The following LIMS1 variants were observed in gnomAD, a reference collection of about 807,000 sequenced individuals.
LIMS1 encodes LIM and senescent cell antigen-like-containing domain protein 1.
LIMS1 carries 18 observed loss-of-function variants against 44.1 expected under a neutral mutation model. That is an observed-to-expected ratio of 0.41 (90% CI 0.28 to 0.61). The LOEUF (loss-of-function observed/expected upper bound fraction) is 0.61. LIMS1 is among the 20% of genes least tolerant of loss of function. The pLI is 0.32. For missense variants in LIMS1, 201 were observed against 422.0 expected (o/e 0.48, Z 4.59); for synonymous variants, 93 against 149.1 (o/e 0.62, Z 2.74).
chr2:108,570,248 T>C (rs945389162), intron 1 of LIMS1, among the ~76,000 whole-genome samples: 1 of 152,106 alleles, frequency 6.6e-6, no homozygotes, highest in Non-Finnish European at 1.5e-5. Flanking sequence ...CTGGTCAACA[T>C]GGTGAAACCC....
intron 1 of LIMS1, among the ~76,000 whole-genome samples, chr2:108,605,256 A>G (rs887608438): frequency 1.2e-4 from 18 of 152,212 alleles, no homozygotes; most frequent in Non-Finnish European, 2.5e-4. Context: ...TCCATGTGGT[A>G]CACTGTGTCC....
intron 2 of LIMS1, among the ~76,000 whole-genome samples, 188 bp from the exon 3 acceptor site, chr2:108,670,593 C>G (rs1260354477): frequency 1.3e-5 from 2 of 152,076 alleles, no homozygotes; most frequent in South Asian, 4.1e-4. Context: ...ATATGTCTTT[C>G]CTGTACCAAC....
intron 1 of LIMS1, among the ~76,000 whole-genome samples, chr2:108,598,302 T>G (rs539989790): frequency 6.6e-6 from 1 of 152,350 alleles, no homozygotes; most frequent in African/African-American, 2.4e-5. Context: ...CTTTTTCATT[T>G]ATAAACGAAT....
intron 9 of LIMS1, among the ~76,000 whole-genome samples, chr2:108,681,887 T>C (rs1693024623): frequency 6.7e-6 from 1 of 150,044 alleles, no homozygotes; most frequent in Admixed American, 6.6e-5. Context: ...TGAGACTCTG[T>C]CTCAAAAAAA....
intron 1 of LIMS1, among the ~76,000 whole-genome samples, chr2:108,548,687 A>G (rs1684572415): frequency 6.6e-6 from 1 of 152,162 alleles, no homozygotes; most frequent in Non-Finnish European, 1.5e-5. Flanking sequence ...CCCCCTGGCA[A>G]AGGGTCATTT....
At chr2:108,551,843 GTATA>G (rs1466830161) in intron 1 of LIMS1, among the ~76,000 whole-genome samples, 1 of 143,130 alleles carries the variant, frequency 7.0e-6, no homozygotes, top group African/African-American at 2.6e-5. Context: ...CACATATACT[GTATA>G]TATACTATGT....
At chr2:108,533,952 T>G (rs1165931081), upstream of LIMS1, 1 of 152,880 alleles carries the variant, frequency 6.5e-6, no homozygotes, top group Non-Finnish European at 1.5e-5. Flanking sequence ...CCCTCAGGCG[T>G]CCTCGCCAGG....
rs1016762447 is a variant in LIMS1 at position 108,554,471 on chromosome 2, A to G, written c.32+19877A>G. Among the ~76,000 whole-genome samples, 4 of 152,178 alleles carry G rather than the reference A, an allele frequency of 2.6e-5. No homozygotes were observed. In the South Asian group the frequency reaches 8.3e-4, roughly 32 times the overall value. On this transcript the variant is annotated intron_variant, in intron 1 of 9. Transcript: ENST00000544547. The stretch of plus-strand genomic sequence containing the variant: ...GTCTCTGAAGAAGAGTATCTTCCTT[A>G]TTCTTGGGGTAGAAACTCTTAACAT...
At chr2:108,596,360 G>GGT (rs1274900760) in intron 1 of LIMS1, among the ~76,000 whole-genome samples, 1 of 152,214 alleles carries the variant, frequency 6.6e-6, no homozygotes, top group African/African-American at 2.4e-5. Flanking sequence ...AAAGCCAGAG[G>GGT]GTGGCTCAGG....
intron 1 of LIMS1, among the ~76,000 whole-genome samples, chr2:108,575,514 A>C (rs1258631073): frequency 6.6e-6 from 1 of 152,144 alleles, no homozygotes; most frequent in Non-Finnish European, 1.5e-5. Flanking sequence ...ATCAGAGAAC[A>C]TTCTTCTTGA....
chr2:108,622,441 G>A (rs2148875653), intron 1 of LIMS1, among the ~76,000 whole-genome samples: 1 of 152,236 alleles, frequency 6.6e-6, no homozygotes, highest in Non-Finnish European at 1.5e-5. Context: ...CTATACTACA[G>A]TAACTGTAAT....
intron 1 of LIMS1, among the ~76,000 whole-genome samples, chr2:108,557,267 G>T (rs1684957430): frequency 6.6e-6 from 1 of 152,064 alleles, no homozygotes; most frequent in Non-Finnish European, 1.5e-5. Context: ...TGTAGAGACG[G>T]TGTCTCTCTA....
intron 1 of LIMS1, among the ~76,000 whole-genome samples, chr2:108,563,739 G>A (rs956705044): frequency 6.6e-6 from 1 of 152,144 alleles, no homozygotes; most frequent in Non-Finnish European, 1.5e-5. Flanking sequence ...AGCAATGGCA[G>A]GGTTTGAGAG....
chr2:108,542,911 A>G (rs1025190677), intron 1 of LIMS1, among the ~76,000 whole-genome samples: 1 of 152,228 alleles, frequency 6.6e-6, no homozygotes, highest in Non-Finnish European at 1.5e-5. Flanking sequence ...TTTGTGTGCA[A>G]CACACAAACT....
intron 2 of LIMS1, among the ~76,000 whole-genome samples, chr2:108,664,437 C>T (rs1413108307): frequency 6.6e-6 from 1 of 152,220 alleles, no homozygotes; most frequent in Non-Finnish European, 1.5e-5. Context: ...TTTCCACAAG[C>T]GGTGGGACCC....
exon 10 of LIMS1, chr2:108,683,946 T>C (rs377390721): frequency 6.6e-5 from 106 of 1,605,052 alleles, no homozygotes; most frequent in South Asian, 1.2e-4. Flanking sequence ...GAAATTTCCA[T>C]TGGAGCTGAA....
chr2:108,646,765 G>GT (rs1469597033), intron 1 of LIMS1, among the ~76,000 whole-genome samples: 1 of 152,142 alleles, frequency 6.6e-6, no homozygotes, highest in Non-Finnish European at 1.5e-5. Context: ...GAGTGCAGTG[G>GT]TGCGATCTCG....
In LIMS1 at chr2:108,656,029, C is replaced by T. The variant is rs1479994809; in HGVS notation, c.33-3576C>T. ...GTTCTCTACTTCCATAATCCGTGCT[C>T]TGTGGTACAGATGTCACTTATCTTC... is the stretch of plus-strand genomic sequence containing the variant. On this transcript the variant is annotated intron_variant, in intron 1 of 9. Transcript: ENST00000544547. Among the ~76,000 whole-genome samples, 7 of 88,608 alleles carry T rather than the reference C, an allele frequency of 7.9e-5. No homozygotes were observed. In the East Asian group the frequency reaches 1.8e-3, roughly 23 times the overall value. 58.1% of individuals were successfully genotyped at this position (88,608 alleles called of 152,430 possible). A position where few individuals can be genotyped will look rare whatever the true frequency, so the allele number is the denominator to read the frequency against.
At chr2:108,612,286 G>A (rs1176933978) in intron 1 of LIMS1, among the ~76,000 whole-genome samples, 2 of 152,066 alleles carry the variant, frequency 1.3e-5, no homozygotes, top group East Asian at 1.9e-4. Context: ...TCTAAAGTGT[G>A]TTTGTGGTAT....
Sources: allele counts gnomAD v4.1 joint callset (sites outside exome capture counted in the v4.1 genomes callset), GRCh38; gene constraint gnomAD v4.1.1; transcripts MANE v1.5; gene names NCBI Gene and HGNC (gene_info 2026-07-23, HGNC 2026-07-21).